The following FIP1L1 variants were observed in gnomAD, a reference collection of about 807,000 sequenced individuals.
The protein encoded by FIP1L1 is factor interacting with PAPOLA and CPSF1.
In FIP1L1, 21 loss-of-function variants were observed where a neutral mutation model predicts 84.6. The ratio of observed to expected loss-of-function variants is 0.25; its 90% CI spans 0.18 to 0.36. The LOEUF (loss-of-function observed/expected upper bound fraction) is 0.36, where lower values mean the gene tolerates loss of function less well. Among genes scored for constraint, FIP1L1 ranks in the 10% least tolerant of loss-of-function variants. FIP1L1 has a pLI of 1.00. For missense variants in FIP1L1, 526 were observed against 751.1 expected (o/e 0.70, Z 3.50); for synonymous variants, 263 against 242.3 (o/e 1.09, Z -0.80).
intron 10 of FIP1L1, among the ~76,000 whole-genome samples, chr4:53,407,044 TCTG>T (rs1753959906): frequency 6.6e-6 from 1 of 152,206 alleles, no homozygotes; most frequent in African/African-American, 2.4e-5. Context: ...TTTCTTGCCT[TCTG>T]CTAGTTTTTG....
intron 15 of FIP1L1, among the ~76,000 whole-genome samples, chr4:53,450,047 T>C (rs71597839): frequency 0.053 from 8,036 of 152,204 alleles, 318 homozygotes; most frequent in Admixed American, 0.08. Context: ...TTTTTTCCAT[T>C]ATATGGTAGT....
intron 5 of FIP1L1, among the ~76,000 whole-genome samples, chr4:53,388,207 T>C (rs13130836): frequency 0.16 from 24,973 of 152,104 alleles, 2,086 homozygotes; most frequent in South Asian, 0.23. Context: ...ATGGAAGTAA[T>C]TATTATTAGA....
chr4:53,445,120 G>A (rs1261848927), intron 15 of FIP1L1, among the ~76,000 whole-genome samples: 1 of 152,174 alleles, frequency 6.6e-6, no homozygotes, highest in Non-Finnish European at 1.5e-5. Flanking sequence ...GGAATGTAGA[G>A]ACTGTGTGCT....
At chr4:53,390,861 A>G in intron 7 of FIP1L1, 148 bp from the exon 8 acceptor site, 2 of 742,992 alleles carry the variant, frequency 2.7e-6, no homozygotes, top group Non-Finnish European at 4.1e-6. Flanking sequence ...AATTTGATCA[A>G]AAATGATATA....
At chr4:53,413,200 G>A (rs1161861793) in intron 10 of FIP1L1, among the ~76,000 whole-genome samples, 1 of 151,672 alleles carries the variant, frequency 6.6e-6, no homozygotes, top group East Asian at 1.9e-4. Context: ...GGCATTACCA[G>A]GATGTTCCAG....
At chr4:53,431,864 C>A (rs1169605449) in intron 13 of FIP1L1, among the ~76,000 whole-genome samples, 1 of 152,088 alleles carries the variant, frequency 6.6e-6, no homozygotes, top group Non-Finnish European at 1.5e-5. Flanking sequence ...CTTTTAATGT[C>A]AAATAGTTCA....
chr4:53,427,422 A>AT (rs1764758698), intron 12 of FIP1L1, among the ~76,000 whole-genome samples: 2 of 152,186 alleles, frequency 1.3e-5, no homozygotes, highest in African/African-American at 4.8e-5. Flanking sequence ...ACAAAGAAGC[A>AT]TTTTGCAAAC....
chr4:53,388,402 C>T (rs1307239954), intron 5 of FIP1L1, among the ~76,000 whole-genome samples: 5 of 151,506 alleles, frequency 3.3e-5, no homozygotes, highest in East Asian at 1.9e-4. Flanking sequence ...TGCAGTGGCG[C>T]GATCTCACTG....
chr4:53,386,933 C>T (rs1741411507), intron 5 of FIP1L1, among the ~76,000 whole-genome samples: 1 of 152,096 alleles, frequency 6.6e-6, no homozygotes, highest in South Asian at 2.1e-4. Flanking sequence ...ACTGGCCTAA[C>T]CAGAAACAGA....
intron 4 of FIP1L1, 107 bp from the exon 5 acceptor site, chr4:53,383,666 C>T: frequency 9.0e-7 from 1 of 1,115,580 alleles, no homozygotes; most frequent in Non-Finnish European, 1.2e-6. Flanking sequence ...TGTCTCAAGA[C>T]AGAAGAAAGA....
rs770135904 is a variant in FIP1L1, at chr4:53,399,809, C to G, written c.785C>G (p.Ser262Cys). Residue 262 changes from serine (S) to cysteine (C), a missense_variant, in exon 10 of 18, where the codon TCT (serine) becomes TGT (cysteine). Ser to Cys is a moderately radical substitution (Grantham distance 112, BLOSUM62 -1). Coordinates refer to ENST00000337488, the MANE Select transcript of FIP1L1 (RefSeq NM_030917.4). Reference sequence around the variant, plus strand: ...AAAGCTGAGTTTACTTCTCCTCCTTCTTTGTTCAAGACTGGGCTTCCACCG... The same window carrying G: ...AAAGCTGAGTTTACTTCTCCTCCTTGTTTGTTCAAGACTGGGCTTCCACCG... ...STKAEFTSPP[S>C]LFKTGLPPSR... is the part of the protein sequence containing the mutation. 49 of 1,613,228 alleles carry G rather than the reference C, an allele frequency of 3.0e-5. No homozygotes were observed. Among genetic ancestry groups the G allele is most frequent in the Non-Finnish European group, 3.9e-5 (46 of 1,179,638 alleles).
intron 13 of FIP1L1, among the ~76,000 whole-genome samples, chr4:53,428,414 TTC>T (rs1422829353): frequency 1.3e-5 from 2 of 152,340 alleles, no homozygotes; most frequent in African/African-American, 4.8e-5. Flanking sequence ...AATCTTGTGA[TTC>T]AAAAATATGA....
At chr4:53,409,306 A>G (rs1755708883) in intron 10 of FIP1L1, among the ~76,000 whole-genome samples, 1 of 152,214 alleles carries the variant, frequency 6.6e-6, no homozygotes, top group African/African-American at 2.4e-5. Flanking sequence ...GCTGCAGAAC[A>G]GCGGATTTTC....
chr4:53,458,560 G>T, intron 16 of FIP1L1, 93 bp from the exon 17 acceptor site: 3 of 1,299,522 alleles, frequency 2.3e-6, no homozygotes, highest in South Asian at 1.8e-5. Flanking sequence ...GAGGATTTTG[G>T]ATTTGGACTG....
chr4:53,433,534 GGAGTT>G (rs1767676106), intron 13 of FIP1L1, among the ~76,000 whole-genome samples: 1 of 151,314 alleles, frequency 6.6e-6, no homozygotes, highest in Non-Finnish European at 1.5e-5. Context: ...TTTTTGTAGT[GGAGTT>G]TACTGTAGAA....
intron 5 of FIP1L1, among the ~76,000 whole-genome samples, chr4:53,384,915 G>A (rs992271819): frequency 1.3e-5 from 2 of 152,078 alleles, no homozygotes; most frequent in African/African-American, 4.8e-5. Flanking sequence ...CAAAAATATT[G>A]TTAAATATTT....
intron 10 of FIP1L1, among the ~76,000 whole-genome samples, chr4:53,414,014 ATTAG>A (rs941691389): frequency 7.2e-5 from 11 of 152,198 alleles, no homozygotes; most frequent in African/African-American, 1.9e-4. Context: ...AGAGCATCTT[ATTAG>A]TTCTGTAAAG....
Position 53,425,720 on chromosome 4 carries a change from T to A in FIP1L1, c.924-152T>A, listed in dbSNP as rs1764063906. On this transcript the variant is annotated intron_variant, in intron 11 of 17. Transcript: ENST00000337488. ...TTTATGACAATGCAAAGTAGTGAGC[T>A]TAAACTCAGGGATATTTTTCAATGT... 4 of 560,554 alleles carry A rather than the reference T, an allele frequency of 7.1e-6. No homozygotes were observed. In the South Asian group the frequency reaches 9.7e-5, roughly 14 times the overall value. The allele number at this position is 560,554 out of a possible 1,614,324, so 34.7% of individuals were successfully genotyped here.
Position 53,459,815 on chromosome 4 carries a change from A to G in FIP1L1, c.*366A>G. 1 of 294,764 alleles carries G rather than the reference A, an allele frequency of 3.4e-6. No homozygotes were observed. The highest frequency in any genetic ancestry group is 6.4e-6 in the Non-Finnish European group (1 of 156,478). 18.3% of individuals were successfully genotyped at this position (294,764 alleles called of 1,614,324 possible). On this transcript the variant is annotated 3_prime_UTR_variant, in exon 18 of 18. Transcript: ENST00000337488. ...GTTAATCAAACACCACTCTCTTAAG[A>G]GGCTGCATCACAAAAGGCAACAAAG...
Sources: allele counts gnomAD v4.1 joint callset (sites outside exome capture counted in the v4.1 genomes callset), GRCh38; gene constraint gnomAD v4.1.1; transcripts MANE v1.5; gene names NCBI Gene and HGNC (gene_info 2026-07-23, HGNC 2026-07-21).